The following FOCAD variants were observed in gnomAD, a reference collection of about 807,000 sequenced individuals.
FOCAD encodes the protein focadhesin.
In FOCAD, 198 loss-of-function variants were observed where a neutral mutation model predicts 225.6. The observed-to-expected ratio is 0.88, with a 90% confidence interval of 0.78 to 0.99. The LOEUF (loss-of-function observed/expected upper bound fraction) is 0.99. Among genes scored for constraint, FOCAD ranks in the 50% least tolerant of loss-of-function variants. FOCAD has a pLI of 0.00. For synonymous variants in FOCAD, 897 were observed against 755.0 expected (o/e 1.19, Z -3.08); for missense variants, 2,713 against 2,123.6 (o/e 1.28, Z -5.46).
Position 20,992,047 on chromosome 9 carries a change from T to C in FOCAD, c.5257-1206T>C, listed in dbSNP as rs149071332. Among the ~76,000 whole-genome samples, 633 of 152,314 alleles carry C rather than the reference T, an allele frequency of 4.2e-3. 6 individuals are homozygous for C. Among genetic ancestry groups the C allele is most frequent in the South Asian group, 0.013 (61 of 4,828 alleles). ...GGGAATTAGGAATATTTTCTTTTTC[T>C]CCCTATTTTACTCTTTCTTCAATCT... On this transcript the variant is annotated intron_variant, in intron 42 of 43. Transcript: ENST00000338382.
chr9:20,943,453 T>TA (rs11390093), intron 28 of FOCAD, among the ~76,000 whole-genome samples: 57,258 of 151,778 alleles, frequency 0.38, 10,957 homozygotes, highest in East Asian at 0.43. Context: ...AGGCTAGGAA[T>TA]AAAAAAAATC....
Position 20,990,197 on chromosome 9 carries a change from C to T in FOCAD, c.5079C>T (p.Leu1693=), listed in dbSNP as rs916866902. The change falls in exon 42 of 44, where the codon CTC becomes CTT. Residue 1693 remains leucine (L), a synonymous_variant. Transcript: ENST00000338382. ...CTGACCACACTGCCCCTCTCCTCCT[C>T]GGCCTCAGTGCCAGTTGGTTGCCAT... The part of the protein sequence containing the change: ...AWADHTAPLL[L]GLSASWLPWH... 8.7e-6 allele frequency: 14 copies of T among 1,614,094 alleles called. No homozygotes were observed. The highest frequency in any genetic ancestry group is 6.7e-5 in the Admixed American group (4 of 60,018).
At chr9:20,690,878 A>G in intron 1 of FOCAD, among the ~76,000 whole-genome samples, 1 of 148,320 alleles carries the variant, frequency 6.7e-6, no homozygotes, top group Admixed American at 6.7e-5. Flanking sequence ...TCTGTTCCAA[A>G]TTTTTACCTC....
intron 43 of FOCAD, among the ~76,000 whole-genome samples, chr9:20,994,462 C>T (rs1473304049): frequency 6.6e-6 from 1 of 152,200 alleles, no homozygotes; most frequent in Non-Finnish European, 1.5e-5. Context: ...GATAATTTAT[C>T]TGGTCAGCCT....
At chr9:20,866,682 C>T (rs1829290660) in intron 17 of FOCAD, among the ~76,000 whole-genome samples, 1 of 151,346 alleles carries the variant, frequency 6.6e-6, no homozygotes, top group African/African-American at 2.4e-5. Flanking sequence ...GACCCTTTCA[C>T]TTTTTTTTGC....
chr9:20,659,440 A>AAGAAAGAAAGAAATAAAGAC (rs71334544), intron 2 of FOCAD, among the ~76,000 whole-genome samples: 1 of 145,070 alleles, frequency 6.9e-6, no homozygotes, highest in Admixed American at 6.9e-5. Flanking sequence ...GAAAGAAAGA[A>AAGAAAGAAAGAAATAAAGAC]AGACAGACAG....
At chr9:20,832,505 G>A (rs1825601535) in intron 15 of FOCAD, among the ~76,000 whole-genome samples, 1 of 151,966 alleles carries the variant, frequency 6.6e-6, no homozygotes, top group African/African-American at 2.4e-5. Context: ...ATGGAGAATG[G>A]AGTAATCATC....
At position 20,818,718 on chromosome 9, in the gene FOCAD, A is replaced by G. The variant is rs540047192; in HGVS notation, c.1456-1078A>G. ...ATTTCTGGACTCTGAATTCTATTTC[A>G]TTGATTTGTCTTTCTAATCTTATGC... is the stretch of plus-strand genomic sequence containing the variant. On this transcript the variant is annotated intron_variant, in intron 11 of 43. Transcript: ENST00000338382. Among the ~76,000 whole-genome samples the G allele has an allele frequency of 2.0e-5, 3 of 152,004 alleles. No homozygotes were observed. The East Asian group carries it at 5.8e-4, about 29-fold the overall frequency.
chr9:20,660,384 A>G (rs1404008438), intron 2 of FOCAD, among the ~76,000 whole-genome samples: 1 of 152,182 alleles, frequency 6.6e-6, no homozygotes, highest in East Asian at 1.9e-4. Flanking sequence ...TCAGCCAGGA[A>G]GTGTAGAGTC....
intron 28 of FOCAD, among the ~76,000 whole-genome samples, chr9:20,938,921 A>T (rs1352967006): frequency 6.6e-6 from 1 of 151,400 alleles, no homozygotes; most frequent in African/African-American, 2.4e-5. Context: ...CTTAAAAATG[A>T]TAAAGATGGT....
intron 19 of FOCAD, among the ~76,000 whole-genome samples, chr9:20,881,158 A>C (rs1830636087): frequency 6.6e-6 from 1 of 152,224 alleles, no homozygotes; most frequent in Admixed American, 6.6e-5. Context: ...AAAACACTTA[A>C]ATGATAAGAA....
intron 2 of FOCAD, among the ~76,000 whole-genome samples, chr9:20,667,121 G>A (rs1821921479): frequency 1.3e-5 from 2 of 152,096 alleles, no homozygotes; most frequent in Admixed American, 6.6e-5. Flanking sequence ...GTCGAATTTC[G>A]AATCTACCAC....
intron 12 of FOCAD, 152 bp downstream of exon 12, chr9:20,820,052 A>C: frequency 1.9e-6 from 1 of 518,930 alleles, no homozygotes; most frequent in Non-Finnish European, 3.4e-6. Flanking sequence ...AGACAAAAGT[A>C]TTTATTACAA....
At chr9:20,817,320 C>T (rs1422650405) in intron 11 of FOCAD, among the ~76,000 whole-genome samples, 1 of 151,970 alleles carries the variant, frequency 6.6e-6, no homozygotes, top group African/African-American at 2.4e-5. Context: ...CATTTCATTA[C>T]CCCCGAAGGA....
intron 23 of FOCAD, among the ~76,000 whole-genome samples, chr9:20,915,618 G>C (rs1367426439): frequency 6.6e-6 from 1 of 152,158 alleles, no homozygotes; most frequent in East Asian, 1.9e-4. Context: ...GAAATAACGA[G>C]AGTCATCAAG....
intron 15 of FOCAD, among the ~76,000 whole-genome samples, chr9:20,853,066 T>C (rs900423086): frequency 1.1e-4 from 16 of 151,784 alleles, no homozygotes; most frequent in Admixed American, 9.9e-4. Context: ...TTTTGACATA[T>C]TCTTCCTATG....
chr9:20,962,815 A>G (rs1467454781), intron 35 of FOCAD, among the ~76,000 whole-genome samples: 4 of 152,206 alleles, frequency 2.6e-5, no homozygotes, highest in African/African-American at 9.6e-5. Flanking sequence ...AGGCCTTCTC[A>G]GTTCCAAATC....
At chr9:20,846,636 G>A (rs1379930647) in intron 15 of FOCAD, among the ~76,000 whole-genome samples, 3 of 152,094 alleles carry the variant, frequency 2.0e-5, no homozygotes, top group Non-Finnish European at 2.9e-5. Context: ...TATGTAGCAA[G>A]GCTTGTTAAA....
chr9:20,713,525 T>TA (rs913044171), intron 1 of FOCAD, among the ~76,000 whole-genome samples: 1 of 152,224 alleles, frequency 6.6e-6, no homozygotes. Context: ...CACTTTTTTT[T>TA]AATTAGCACT....
Sources: allele counts gnomAD v4.1 joint callset (sites outside exome capture counted in the v4.1 genomes callset), GRCh38; gene constraint gnomAD v4.1.1; transcripts MANE v1.5; gene names NCBI Gene and HGNC (gene_info 2026-07-23, HGNC 2026-07-21).